LUZP2: variants seen among roughly 807,000 people sequenced by gnomAD.
The protein encoded by LUZP2 is leucine zipper protein 2.
In LUZP2, 52 loss-of-function variants were observed where a neutral mutation model predicts 51.6. That is an observed-to-expected ratio of 1.01 (90% confidence interval 0.81 to 1.27). LUZP2 has a LOEUF of 1.27. LUZP2 is among the 50% of genes most tolerant of loss of function. The pLI is 0.00. For missense variants in LUZP2, 436 were observed against 395.4 expected (o/e 1.10, Z -0.87); for synonymous variants, 154 against 137.3 (o/e 1.12, Z -0.85).
chr11:24,903,788 C>T (rs554369124), intron 5 of LUZP2, among the ~76,000 whole-genome samples: 7 of 152,110 alleles, frequency 4.6e-5, no homozygotes, highest in African/African-American at 9.6e-5. Flanking sequence ...TAAATAGCCA[C>T]GAGGGGTTGG....
At chr11:24,775,443 A>T (rs941156541) in intron 5 of LUZP2, among the ~76,000 whole-genome samples, 5 of 152,208 alleles carry the variant, frequency 3.3e-5, no homozygotes, top group African/African-American at 1.2e-4. Context: ...CAATTGTTAC[A>T]GCCAAAGCAT....
chr11:24,782,716 C>T (rs995107026), intron 5 of LUZP2, among the ~76,000 whole-genome samples: 4 of 151,976 alleles, frequency 2.6e-5, no homozygotes, highest in African/African-American at 9.7e-5. Flanking sequence ...TCAGCAAGTA[C>T]ATGTTGACTA....
intron 7 of LUZP2, among the ~76,000 whole-genome samples, chr11:24,961,709 T>G (rs150925812): frequency 0.48 from 73,138 of 151,892 alleles, 17,955 homozygotes; most frequent in Middle Eastern, 0.51. Flanking sequence ...CCAATTTGCC[T>G]GTCTGTGTCT....
In LUZP2 at chr11:24,617,099, G is replaced by C. The variant is rs182611825; in HGVS notation, c.63-112070G>C. On this transcript the variant is annotated intron_variant, in intron 1 of 11. Transcript: ENST00000336930. ...GCTTGTTAAAACAGAGGTAGTAGAT[G>C]TTTCATCATATGCTCAGGTGTTCCT... Among the ~76,000 whole-genome samples, 160 of 152,250 alleles carry C rather than the reference G, an allele frequency of 1.1e-3. 2 individuals are homozygous for C. The highest frequency in any genetic ancestry group is 3.4e-3 in the African/African-American group (143 of 41,556).
chr11:25,079,827 T>C lies in LUZP2; in HGVS notation c.*1169T>C, dbSNP rs2134066564. 1 of 152,302 alleles carries C rather than the reference T, an allele frequency of 6.6e-6. No homozygotes were observed. Among genetic ancestry groups the C allele is most frequent in the South Asian group, 2.1e-4 (1 of 4,828 alleles). The allele number at this position is 152,302 out of a possible 1,614,324, so 9.4% of individuals were successfully genotyped here. A position where few individuals can be genotyped will look rare whatever the true frequency, so the allele number is the denominator to read the frequency against. On this transcript the variant is annotated 3_prime_UTR_variant, in exon 12 of 12. Coordinates refer to ENST00000336930, the MANE Select transcript of LUZP2 (RefSeq NM_001009909.4). ...CCTTTTTGCAACCGTAGAAAGCATA[T>C]TAAACCATTGGTTTTGCAGGATGGA...
At chr11:24,871,551 C>T (rs1852073272) in intron 5 of LUZP2, among the ~76,000 whole-genome samples, 1 of 151,982 alleles carries the variant, frequency 6.6e-6, no homozygotes, top group Non-Finnish European at 1.5e-5. Context: ...ACCCTGAGTT[C>T]TAGTATAAGT....
intron 1 of LUZP2, among the ~76,000 whole-genome samples, chr11:24,582,177 G>C (rs1852882459): frequency 1.3e-5 from 2 of 151,960 alleles, no homozygotes; most frequent in African/African-American, 4.8e-5. Context: ...AACATAATCT[G>C]ATTATAGTTT....
intron 1 of LUZP2, among the ~76,000 whole-genome samples, chr11:24,631,421 A>G (rs1288647812): frequency 1.3e-5 from 2 of 149,104 alleles, no homozygotes; most frequent in Non-Finnish European, 3.0e-5. Flanking sequence ...TTCTTTTCAT[A>G]TCATGAGGTG....
intron 9 of LUZP2, among the ~76,000 whole-genome samples, chr11:25,004,812 A>G (rs1042876837): frequency 1.3e-5 from 2 of 152,130 alleles, no homozygotes; most frequent in African/African-American, 4.8e-5. Context: ...CATACTGGGG[A>G]TGGTATGCTA....
intron 10 of LUZP2, among the ~76,000 whole-genome samples, chr11:25,063,635 T>C (rs1361816183): frequency 2.0e-5 from 3 of 151,946 alleles, no homozygotes; most frequent in Admixed American, 6.6e-5. Flanking sequence ...GTGGATGGCA[T>C]TGCATTAATG....
At chr11:24,979,541 C>T (rs1855970046) in intron 8 of LUZP2, among the ~76,000 whole-genome samples, 1 of 151,766 alleles carries the variant, frequency 6.6e-6, no homozygotes, top group African/African-American at 2.4e-5. Context: ...TTATGAAAAA[C>T]TCTTAACACT....
chr11:24,861,148 G>T (rs955916415), intron 5 of LUZP2, among the ~76,000 whole-genome samples: 1 of 152,078 alleles, frequency 6.6e-6, no homozygotes, highest in Non-Finnish European at 1.5e-5. Flanking sequence ...TGAGAACTTC[G>T]TGAAGCATAT....
chr11:25,027,697 C>T (rs931389852), intron 9 of LUZP2, among the ~76,000 whole-genome samples: 2 of 151,822 alleles, frequency 1.3e-5, no homozygotes, highest in Non-Finnish European at 2.9e-5. Context: ...TGGTGAAACC[C>T]CATCTCTACT....
In LUZP2 at chr11:24,534,518, G is replaced by T. The variant is rs3077904; in HGVS notation, c.62+37213G>T. Among the ~76,000 whole-genome samples, 83 of 140,000 alleles carry T rather than the reference G, an allele frequency of 5.9e-4. No individual in the cohort carries two copies. The East Asian group carries it at 0.014, about 24-fold the overall frequency. The allele number at this position is 140,000 out of a possible 152,430, so 91.8% of individuals were successfully genotyped here. On this transcript the variant is annotated intron_variant, in intron 1 of 11. Transcript: ENST00000336930. The stretch of plus-strand genomic sequence containing the variant: ...AAAGCATATATAGAAAGCATATATA[G>T]AGAGATGTATGTAAATATATAGAAA...
Position 24,818,218 on chromosome 11 carries a change from A to C in LUZP2, c.396+54910A>C, listed in dbSNP as rs1386242. On this transcript the variant is annotated intron_variant, in intron 5 of 11. Coordinates refer to ENST00000336930, the MANE Select transcript of LUZP2 (RefSeq NM_001009909.4). ...GATGGATGATCCGTCTTTTAGGTAG[A>C]TAATGTTTAGGTTTCTTCCATCAAG... Among the ~76,000 whole-genome samples the C allele has an allele frequency of 9.6e-3, 1,455 of 152,182 alleles. 19 individuals carry two copies. The highest frequency in any genetic ancestry group is 0.033 in the African/African-American group (1,362 of 41,542).
At chr11:24,908,334 T>C (rs1450916797) in intron 6 of LUZP2, among the ~76,000 whole-genome samples, 1 of 152,190 alleles carries the variant, frequency 6.6e-6, no homozygotes, top group Non-Finnish European at 1.5e-5. Flanking sequence ...CATGAAATTA[T>C]AAGAAGCAAA....
chr11:25,041,434 G>A (rs923697808), intron 9 of LUZP2, among the ~76,000 whole-genome samples: 1 of 151,954 alleles, frequency 6.6e-6, no homozygotes, highest in Non-Finnish European at 1.5e-5. Flanking sequence ...TGAAATCATA[G>A]AAAGTGAAAC....
Position 24,602,720 on chromosome 11 carries a change from G to A in LUZP2, c.62+105415G>A, listed in dbSNP as rs78800649. ...TTATTATTATATTATTATTGAAAAC[G>A]CCAAACTGAAAAGCACCTTGGATGT... On this transcript the variant is annotated intron_variant, in intron 1 of 11. Transcript: ENST00000336930. Among the ~76,000 whole-genome samples, 248 of 151,266 alleles carry A rather than the reference G, an allele frequency of 1.6e-3. 4 individuals are homozygous for A. The East Asian group carries it at 0.042, about 26-fold the overall frequency.
chr11:24,816,710 G>A (rs1320608056), intron 5 of LUZP2, among the ~76,000 whole-genome samples: 1 of 151,960 alleles, frequency 6.6e-6, no homozygotes, highest in Non-Finnish European at 1.5e-5. Context: ...ACCATGTTAA[G>A]TGTTTTACAA....
Sources: gnomAD v4.1 joint callset for allele counts (sites outside exome capture counted in the v4.1 genomes callset) on GRCh38, gnomAD v4.1.1 for gene constraint, MANE v1.5 for transcripts, NCBI Gene and HGNC (gene_info 2026-07-23, HGNC 2026-07-21) for gene names.